The following PKD2L2 variants were observed in gnomAD, a reference collection of about 807,000 sequenced individuals.
PKD2L2 encodes polycystin 2 like 2, transient receptor potential cation channel.
PKD2L2 carries 67 observed loss-of-function variants against 83.9 expected under a neutral mutation model. That is an observed-to-expected ratio of 0.80 (90% confidence interval 0.66 to 0.98). The LOEUF is 0.98. Among genes scored for constraint, PKD2L2 ranks in the 50% least tolerant of loss-of-function variants. The pLI, the probability that PKD2L2 is intolerant of heterozygous loss-of-function variation, is 0.00. For missense variants in PKD2L2, 632 were observed against 717.2 expected (o/e 0.88, Z 1.36); for synonymous variants, 223 against 237.8 (o/e 0.94, Z 0.57).
intron 8 of PKD2L2, among the ~76,000 whole-genome samples, chr5:137,910,748 C>G (rs1757763866): frequency 6.7e-6 from 1 of 148,722 alleles, no homozygotes; most frequent in Admixed American, 6.7e-5. Flanking sequence ...CACTGCACTC[C>G]AGCCTGGGCG....
chr5:137,901,979 T>C (rs1307237590), intron 5 of PKD2L2, among the ~76,000 whole-genome samples: 3 of 150,538 alleles, frequency 2.0e-5, no homozygotes, highest in Admixed American at 6.6e-5. Context: ...AAAGAAATCA[T>C]GAAAGAGATG....
In PKD2L2 at chr5:137,894,434, A is replaced by T; in HGVS notation, c.349A>T (p.Ser117Cys). ...GCAGCTGTATAATTTAAAGAACAGC[A>T]GTCGCATCTACTATGAAAATATACT... ...NQQLYNLKNS[S>C]RIYYENILLG... Residue 117 changes from serine to cysteine, a missense_variant, in exon 4 of 15, where the codon AGT becomes TGT. Coordinates refer to ENST00000508883, the MANE Select transcript of PKD2L2 (RefSeq NM_001300921.2). 6.2e-7 allele frequency: 1 copy of T among 1,613,116 alleles called. No homozygotes were observed.
chr5:137,931,646 A>T (rs1759890090), intron 12 of PKD2L2, among the ~76,000 whole-genome samples: 1 of 152,206 alleles, frequency 6.6e-6, no homozygotes, highest in Non-Finnish European at 1.5e-5. Flanking sequence ...GGGAAAAATA[A>T]AAATCAATGA....
intron 10 of PKD2L2, among the ~76,000 whole-genome samples, chr5:137,924,432 CATTCTATTCTTCAAAAAGTGGA>C (rs1759198319): frequency 1.5e-5 from 1 of 66,758 alleles, no homozygotes; most frequent in Admixed American, 1.7e-4. Context: ...CTCTTGCTAC[CATTCTATTCTTCAAAAAGTGGA>C]ATCTGTCCTG....
intron 14 of PKD2L2, among the ~76,000 whole-genome samples, chr5:137,937,518 C>T (rs1015062179): frequency 4.6e-5 from 7 of 152,174 alleles, no homozygotes; most frequent in East Asian, 1.9e-4. Context: ...AGCCCCCCTA[C>T]GATAGCCATA....
chr5:137,906,070 C>G (rs568851417), intron 5 of PKD2L2, 136 bp from the exon 6 acceptor site: 51 of 561,616 alleles, frequency 9.1e-5, no homozygotes, highest in African/African-American at 8.8e-4. Context: ...AACCCATTTC[C>G]CCAAGGAAAA....
intron 4 of PKD2L2, 110 bp downstream of exon 4, chr5:137,894,719 G>C (rs1561674528): frequency 1.3e-6 from 1 of 752,846 alleles, no homozygotes; most frequent in South Asian, 1.8e-5. Flanking sequence ...TAAGGAAACT[G>C]TTTCAACAAT....
At chr5:137,890,623 G>C (rs779172633) in intron 2 of PKD2L2, 41 bp downstream of exon 2, 4 of 863,928 alleles carry the variant, frequency 4.6e-6, no homozygotes, top group Non-Finnish European at 5.3e-6. Flanking sequence ...TTTGAACTAA[G>C]AAGTTAAAAT....
chr5:137,890,537 C>G lies in PKD2L2; in HGVS notation c.88C>G (p.Gln30Glu), dbSNP rs1326696395. 1.9e-6 allele frequency: 3 copies of G among 1,578,928 alleles called. No homozygotes were observed. Among genetic ancestry groups the G allele is most frequent in the African/African-American group, 2.7e-5 (2 of 73,912 alleles). ...GGAAGTAGAAATTACAACCACACTTCAGGAATTGTTACTCTACTTTATTTT... is the reference window on the plus strand; with the variant it reads ...GGAAGTAGAAATTACAACCACACTTGAGGAATTGTTACTCTACTTTATTTT... The part of the protein sequence containing the change: ...RKEVEITTTL[Q>E]ELLLYFIFLI... The change falls in exon 2 of 15, where the codon CAG becomes GAG. Residue 30 changes from glutamine (Q) to glutamate (E), a missense_variant. This residue lies in a region of PKD2L2 where 229 missense variants were observed against 281.5 expected (regional missense o/e 0.81). Transcript: ENST00000508883.
At chr5:137,940,421 T>C (rs1761318482) in intron 14 of PKD2L2, 1 of 980,510 alleles carries the variant, frequency 1.0e-6, no homozygotes, top group Non-Finnish European at 1.5e-6. Context: ...TGTCTTAATA[T>C]GAGACATACT....
chr5:137,893,264 T>TAC (rs951649396), intron 3 of PKD2L2, among the ~76,000 whole-genome samples: 3 of 152,156 alleles, frequency 2.0e-5, no homozygotes, highest in African/African-American at 7.2e-5. Flanking sequence ...TTATATGTGT[T>TAC]ACAGTAAGGT....
At chr5:137,893,777 A>G (rs1251722394) in intron 3 of PKD2L2, among the ~76,000 whole-genome samples, 1 of 152,132 alleles carries the variant, frequency 6.6e-6, no homozygotes, top group African/African-American at 2.4e-5. Context: ...ATGATCCTAG[A>G]CGGTTGGTTT....
At chr5:137,899,406 C>A (rs1196804031) in intron 4 of PKD2L2, 110 bp from the exon 5 acceptor site, 2 of 721,586 alleles carry the variant, frequency 2.8e-6, no homozygotes, top group Non-Finnish European at 4.7e-6. Context: ...CATGAGCCAG[C>A]GCACTTGGCC....
chr5:137,914,796 A>T lies in PKD2L2; in HGVS notation c.1328+5850A>T, dbSNP rs189844447. On this transcript the variant is annotated intron_variant, in intron 8 of 14. Transcript: ENST00000508883. The stretch of plus-strand genomic sequence containing the variant: ...ATAATGGCCTTTATTATGTTAAGGG[A>T]CATTCTTTCTATACCTAATTTGTTT... Among the ~76,000 whole-genome samples the T allele has an allele frequency of 2.9e-3, 436 of 152,256 alleles. 1 individual carries two copies. The highest frequency in any genetic ancestry group is 6.8e-3 in the Middle Eastern group (2 of 294).
intron 8 of PKD2L2, among the ~76,000 whole-genome samples, chr5:137,910,795 C>A (rs78215926): frequency 2.0e-4 from 28 of 142,644 alleles, no homozygotes; most frequent in East Asian, 4.1e-4. Context: ...AAAAGAAAAA[C>A]AAAAAAAAAA....
At chr5:137,905,868 T>G (rs528834021) in intron 5 of PKD2L2, among the ~76,000 whole-genome samples, 2 of 152,222 alleles carry the variant, frequency 1.3e-5, no homozygotes, top group South Asian at 4.1e-4. Flanking sequence ...CTTGAACATA[T>G]CATTCTCCTG....
At chr5:137,931,549 G>A (rs1350681335) in intron 12 of PKD2L2, among the ~76,000 whole-genome samples, 4 of 152,056 alleles carry the variant, frequency 2.6e-5, no homozygotes, top group East Asian at 3.8e-4. Context: ...ACTAATCAAC[G>A]TAATTCATTG....
chr5:137,934,242 T>C (rs1269307688), intron 12 of PKD2L2, among the ~76,000 whole-genome samples: 2 of 152,178 alleles, frequency 1.3e-5, no homozygotes, highest in South Asian at 2.1e-4. Context: ...GCTCAGCTTA[T>C]GAGGAAAGGT....
chr5:137,892,618 A>ACT lies in PKD2L2; in HGVS notation c.267+5_267+6insCT, dbSNP rs1756084278. ...AGCATAACTGATTTTTGGAAGGTAA[A>ACT]GTATCTTGTGACTGTGGATGAAGTA... On this transcript the variant is annotated splice_donor_region_variant and intron_variant, in intron 3 of 14. Coordinates refer to ENST00000508883, the MANE Select transcript of PKD2L2 (RefSeq NM_001300921.2). 6.2e-7 allele frequency: 1 copy of ACT among 1,610,350 alleles called. No individual in the cohort carries two copies. The highest frequency in any genetic ancestry group is 1.3e-5 in the African/African-American group (1 of 74,740).
Sources: gnomAD v4.1 joint callset for allele counts (sites outside exome capture counted in the v4.1 genomes callset) on GRCh38, gnomAD v4.1.1 for gene constraint, gnomAD v4.1.1 regional missense constraint, MANE v1.5 for transcripts, NCBI Gene and HGNC (gene_info 2026-07-23, HGNC 2026-07-21) for gene names.